ANXA13: variants seen among roughly 807,000 people sequenced by gnomAD.
ANXA13 encodes annexin A13, also known as annexin XIII.
In ANXA13, 36 loss-of-function variants were observed where a neutral mutation model predicts 46.6. That is an observed-to-expected ratio of 0.77 (90% CI 0.59 to 1.02). The LOEUF (loss-of-function observed/expected upper bound fraction) is 1.02. Ranked by LOEUF, ANXA13 falls within the 50% of genes least tolerant of loss-of-function variation. ANXA13 has a pLI of 0.00. For missense variants in ANXA13, 417 were observed against 396.5 expected, an observed-to-expected ratio of 1.05 and a Z score of -0.44; for synonymous variants, 163 against 152.9, an observed-to-expected ratio of 1.07 and a Z score of -0.49.
chr8:123,713,274 T>C (rs1813695118), intron 1 of ANXA13, among the ~76,000 whole-genome samples: 1 of 152,114 alleles, frequency 6.6e-6, no homozygotes, highest in African/African-American at 2.4e-5. Flanking sequence ...AAAAGCACAG[T>C]TTTGGTTTTA....
intron 4 of ANXA13, among the ~76,000 whole-genome samples, chr8:123,698,184 G>A (rs904596202): frequency 1.2e-4 from 19 of 152,322 alleles, no homozygotes; most frequent in Admixed American, 6.5e-4. Context: ...TGAAAAGATC[G>A]ATTCTGTTAA....
chr8:123,684,497 T>C, intron 10 of ANXA13, 113 bp downstream of exon 10: 1 of 699,340 alleles, frequency 1.4e-6, no homozygotes, highest in Non-Finnish European at 2.5e-6. Flanking sequence ...AGGGGCCGTC[T>C]CTGTTTTACT....
At chr8:123,702,003 T>C (rs1189862514) in intron 3 of ANXA13, among the ~76,000 whole-genome samples, 1 of 152,318 alleles carries the variant, frequency 6.6e-6, no homozygotes, top group Non-Finnish European at 1.5e-5. Flanking sequence ...CTACAGTGAT[T>C]GAAATGGTAA....
intron 2 of ANXA13, 124 bp from the exon 3 acceptor site, chr8:123,702,860 C>T: frequency 1.3e-6 from 1 of 787,396 alleles, no homozygotes; most frequent in South Asian, 1.6e-5. Flanking sequence ...CTATGGAACC[C>T]AACGGACCCT....
chr8:123,723,128 T>C (rs969088657), intron 1 of ANXA13, among the ~76,000 whole-genome samples: 32 of 152,258 alleles, frequency 2.1e-4, no homozygotes, highest in African/African-American at 7.5e-4. Context: ...CTTGACAGAA[T>C]CTATGCAAAT....
At chr8:123,687,483 G>C (rs1032710260) in intron 9 of ANXA13, among the ~76,000 whole-genome samples, 1 of 152,180 alleles carries the variant, frequency 6.6e-6, no homozygotes, top group Non-Finnish European at 1.5e-5. Flanking sequence ...CCTAAGCACA[G>C]TCACTTATAC....
At chr8:123,697,727 G>T (rs112482621) in intron 4 of ANXA13, among the ~76,000 whole-genome samples, 1,568 of 152,310 alleles carry the variant, frequency 0.01, 14 homozygotes, top group Middle Eastern at 0.031. Context: ...AGAGGGAGGG[G>T]TCTCTCCTGT....
At chr8:123,686,032 C>A (rs796895052) in intron 9 of ANXA13, among the ~76,000 whole-genome samples, 8 of 152,316 alleles carry the variant, frequency 5.3e-5, no homozygotes, top group African/African-American at 1.9e-4. Flanking sequence ...TCTCCCTTGA[C>A]ATTCCTTCTA....
intron 1 of ANXA13, among the ~76,000 whole-genome samples, chr8:123,722,054 C>T (rs1317428471): frequency 1.3e-5 from 2 of 152,060 alleles, no homozygotes; most frequent in African/African-American, 4.8e-5. Context: ...CCAGTAATTC[C>T]AGCACTTTGG....
chr8:123,712,791 C>T (rs370017071), intron 1 of ANXA13, 38 bp from the exon 2 acceptor site: 68 of 1,576,526 alleles, frequency 4.3e-5, no homozygotes, highest in East Asian at 6.7e-5. Flanking sequence ...TGACAATATA[C>T]GCATTCCTAA....
intron 1 of ANXA13, among the ~76,000 whole-genome samples, chr8:123,725,670 A>G (rs532962617): frequency 1.2e-4 from 19 of 152,292 alleles, no homozygotes; most frequent in African/African-American, 4.6e-4. Context: ...TACCCAACAG[A>G]AAAAAATATA....
intron 8 of ANXA13, among the ~76,000 whole-genome samples, chr8:123,689,692 T>C (rs1490909891): frequency 6.6e-6 from 1 of 152,200 alleles, no homozygotes; most frequent in Non-Finnish European, 1.5e-5. Context: ...AAATTGTGAC[T>C]ATCCTTAACA....
At chr8:123,681,380 A>G (rs1586307406) in intron 10 of ANXA13, 21 bp from the exon 11 acceptor site, 1 of 1,610,242 alleles carries the variant, frequency 6.2e-7, no homozygotes, top group Non-Finnish European at 8.5e-7. Flanking sequence ...AATAACAGCA[A>G]TGGAGATAAG....
intron 9 of ANXA13, among the ~76,000 whole-genome samples, chr8:123,687,450 C>T (rs961215613): frequency 3.3e-5 from 5 of 152,134 alleles, no homozygotes; most frequent in African/African-American, 1.2e-4. Flanking sequence ...AAATTGCAAC[C>T]TCCGGCATAA....
intron 10 of ANXA13, among the ~76,000 whole-genome samples, chr8:123,681,716 T>C (rs1384535048): frequency 4.0e-5 from 6 of 150,094 alleles, no homozygotes; most frequent in Non-Finnish European, 7.4e-5. Context: ...CTCCGCCTCC[T>C]GGGTTCAAGC....
intron 10 of ANXA13, among the ~76,000 whole-genome samples, chr8:123,683,424 C>CT (rs35546652): frequency 0.59 from 67,167 of 114,388 alleles, 20,655 homozygotes; most frequent in South Asian, 0.68. Flanking sequence ...CATTTAACCA[C>CT]TTTTTTTTTT....
chr8:123,716,767 T>C (rs964073126), intron 1 of ANXA13, among the ~76,000 whole-genome samples: 6 of 152,074 alleles, frequency 3.9e-5, no homozygotes, highest in East Asian at 1.9e-4. Flanking sequence ...TCCACGTCCA[T>C]TGTTCATTGT....
intron 1 of ANXA13, among the ~76,000 whole-genome samples, chr8:123,720,378 C>G (rs1243422081): frequency 6.6e-6 from 1 of 152,166 alleles, no homozygotes; most frequent in Non-Finnish European, 1.5e-5. Flanking sequence ...CTCAGACACA[C>G]CTGATTCTCC....
Position 123,685,606 on chromosome 8 carries a change from C to T in ANXA13, c.719-884G>A, listed in dbSNP as rs1813125241. 2.0e-5 allele frequency among the ~76,000 whole-genome samples: 3 copies of T among 152,176 alleles called. No individual in the cohort carries two copies. In the South Asian group the frequency reaches 6.2e-4, roughly 32 times the overall value. On this transcript the variant is annotated intron_variant, in intron 9 of 10. Coordinates refer to ENST00000419625, the MANE Select transcript of ANXA13 (RefSeq NM_004306.4). ...CATAAATGTGGAATGTGCAATCTTA[C>T]TATGTCCCATAATGGGGCTGTTGTT...
Sources: gnomAD v4.1 joint callset for allele counts (sites outside exome capture counted in the v4.1 genomes callset) on GRCh38, gnomAD v4.1.1 for gene constraint, MANE v1.5 for transcripts, NCBI Gene and HGNC (gene_info 2026-07-23, HGNC 2026-07-21) for gene names.